PCDHA8: variants seen among roughly 807,000 people sequenced by gnomAD.
PCDHA8 encodes the protein protocadherin alpha-8.
Under a neutral mutation model 61.8 loss-of-function variants are expected in PCDHA8, and 53 were observed. The observed-to-expected ratio is 0.86, with a 90% CI of 0.69 to 1.08. The LOEUF is 1.08. PCDHA8 is among the 50% of genes least tolerant of loss of function. The pLI is 0.00. For missense variants in PCDHA8, 1,293 were observed against 1,245.0 expected (o/e 1.04, Z -0.58); for synonymous variants, 618 against 556.6 (o/e 1.11, Z -1.55).
chr5:140,869,488 A>C, intron 1 of PCDHA8: 1 of 1,614,132 alleles, frequency 6.2e-7, no homozygotes. Context: ...CATTAACGAC[A>C]ACCCGCCGGT....
intron 3 of PCDHA8, among the ~76,000 whole-genome samples, chr5:140,985,392 C>T (rs1329580146): frequency 6.6e-6 from 1 of 152,172 alleles, no homozygotes; most frequent in Non-Finnish European, 1.5e-5. Context: ...CCAGTCACCC[C>T]AACTGTTCCC....
chr5:140,985,889 G>A (rs549796234), intron 3 of PCDHA8, among the ~76,000 whole-genome samples: 61 of 151,864 alleles, frequency 4.0e-4, no homozygotes, highest in Non-Finnish European at 5.7e-4. Context: ...ACAGGCGCCC[G>A]CCACCACTCC....
At chr5:140,930,814 T>A (rs1554208117) in intron 1 of PCDHA8, among the ~76,000 whole-genome samples, 1 of 152,210 alleles carries the variant, frequency 6.6e-6, no homozygotes, top group Non-Finnish European at 1.5e-5. Flanking sequence ...AAGATATGCT[T>A]AGTAAATGCT....
chr5:140,944,316 T>C lies in PCDHA8; in HGVS notation c.2395-34633T>C, dbSNP rs140163712. On this transcript the variant is annotated intron_variant, in intron 1 of 3. Coordinates refer to ENST00000531613, the MANE Select transcript of PCDHA8 (RefSeq NM_018911.3). ...GATCCTCCTACCTCAGCCTCCTGAG[T>C]AGCTGGGATTACAAGCACGTGCCAC... 4.3e-3 allele frequency among the ~76,000 whole-genome samples: 654 copies of C among 152,070 alleles called. 5 individuals carry two copies. The highest frequency in any genetic ancestry group is 5.5e-3 in the Non-Finnish European group (376 of 67,970).
chr5:140,876,979 G>T lies in PCDHA8; in HGVS notation c.2394+33264G>T. ...GGTGGAGCGGCGGGTGGGCGAGCAC[G>T]CACTGTCGAGCTACGTGTCGGTGCA... On this transcript the variant is annotated intron_variant, in intron 1 of 3. Transcript: ENST00000531613. The T allele has an allele frequency of 2.5e-6, 4 of 1,612,614 alleles. No homozygotes were observed. The South Asian group carries it at 3.3e-5, about 13-fold the overall frequency.
chr5:140,981,943 G>A (rs1207723761), intron 2 of PCDHA8, among the ~76,000 whole-genome samples: 2 of 152,116 alleles, frequency 1.3e-5, no homozygotes, highest in Non-Finnish European at 2.9e-5. Flanking sequence ...GGAAATATAG[G>A]GTGGGTCATC....
intron 3 of PCDHA8, among the ~76,000 whole-genome samples, chr5:140,992,294 G>C (rs2097504138): frequency 1.3e-5 from 2 of 152,190 alleles, no homozygotes; most frequent in African/African-American, 4.8e-5. Context: ...CAAAGGATGG[G>C]AGTATTGTTT....
At chr5:140,876,581 C>A in intron 1 of PCDHA8, 2 of 1,614,200 alleles carry the variant, frequency 1.2e-6, no homozygotes, top group Non-Finnish European at 1.7e-6. Flanking sequence ...ACCGTCATTG[C>A]CCTGATTAGC....
Position 140,846,221 on chromosome 5 carries a change from A to C in PCDHA8, c.2394+2506A>C, listed in dbSNP as rs944343213. Among the ~76,000 whole-genome samples, 2 of 149,362 alleles carry C rather than the reference A, an allele frequency of 1.3e-5. 1 individual carries two copies. The highest frequency in any genetic ancestry group is 3.0e-5 in the Non-Finnish European group (2 of 66,804). On this transcript the variant is annotated intron_variant, in intron 1 of 3. Coordinates refer to ENST00000531613, the MANE Select transcript of PCDHA8 (RefSeq NM_018911.3). ...TGTATGAGATCTTTCCATTAATAGT[A>C]TTTTTCTTAAAAAGAAGTATACAAT... is the stretch of plus-strand genomic sequence containing the variant.
intron 1 of PCDHA8, chr5:140,967,799 A>G: frequency 1.2e-6 from 2 of 1,614,190 alleles, no homozygotes; most frequent in Non-Finnish European, 1.7e-6. Context: ...TCCAGTGCCC[A>G]TGGCAGGTCA....
chr5:140,878,274 C>G (rs1273765492), intron 1 of PCDHA8, among the ~76,000 whole-genome samples: 3 of 152,092 alleles, frequency 2.0e-5, no homozygotes, highest in Non-Finnish European at 1.5e-5. Flanking sequence ...TTTAAAATAG[C>G]CTTCTTGATC....
chr5:140,857,986 A>G (rs782102316), intron 1 of PCDHA8: 4 of 1,596,686 alleles, frequency 2.5e-6, no homozygotes, highest in East Asian at 2.2e-5. Flanking sequence ...GCCAGCGCCT[A>G]CTGGTGCTGG....
intron 1 of PCDHA8, chr5:140,866,649 T>C (rs1554160460): frequency 6.6e-6 from 1 of 152,162 alleles, no homozygotes; most frequent in South Asian, 2.1e-4. Context: ...AAAATTTATT[T>C]ATGTGTTTTC....
intron 1 of PCDHA8, chr5:140,869,579 A>G: frequency 6.2e-7 from 1 of 1,614,178 alleles, no homozygotes; most frequent in Non-Finnish European, 8.5e-7. Flanking sequence ...GGAGCTTCTG[A>G]TGCTGACATT....
At chr5:140,877,801 C>T in intron 1 of PCDHA8, 1 of 1,613,416 alleles carries the variant, frequency 6.2e-7, no homozygotes, top group South Asian at 1.1e-5. Context: ...CCCAAGCCTT[C>T]AGCTGTCTCG....
At chr5:140,966,753 C>T in intron 1 of PCDHA8, 1 of 1,433,176 alleles carries the variant, frequency 7.0e-7, no homozygotes, top group South Asian at 1.5e-5. Context: ...CTGCCTCCGC[C>T]GCGGCCAGTG....
intron 2 of PCDHA8, among the ~76,000 whole-genome samples, chr5:140,981,892 G>A (rs1245605619): frequency 2.0e-5 from 3 of 152,122 alleles, no homozygotes; most frequent in Non-Finnish European, 2.9e-5. Flanking sequence ...TCTTCTGAGC[G>A]GGGATCTGTG....
chr5:140,883,568 T>C, intron 1 of PCDHA8: 3 of 1,614,110 alleles, frequency 1.9e-6, no homozygotes, highest in Non-Finnish European at 2.5e-6. Context: ...GGGCTCGCCT[T>C]CGCTGTGGGC....
intron 1 of PCDHA8, chr5:140,968,323 C>T (rs1554230616): frequency 1.2e-6 from 2 of 1,614,114 alleles, no homozygotes; most frequent in East Asian, 2.2e-5. Flanking sequence ...TGCCAGTCAC[C>T]TCCTATGTCT....
Sources: allele counts gnomAD v4.1 joint callset (sites outside exome capture counted in the v4.1 genomes callset), GRCh38; gene constraint gnomAD v4.1.1; transcripts MANE v1.5; gene names NCBI Gene and HGNC (gene_info 2026-07-23, HGNC 2026-07-21).